Variants in SCAMP1 observed in about 807,000 individuals in gnomAD.
SCAMP1 encodes secretory carrier-associated membrane protein 1.
SCAMP1 carries 15 observed loss-of-function variants against 41.8 expected under a neutral mutation model. That is an observed-to-expected ratio of 0.36 (90% CI 0.24 to 0.55). The LOEUF is 0.55. Ranked by LOEUF, SCAMP1 falls within the 20% of genes least tolerant of loss-of-function variation. The pLI, the probability that SCAMP1 is intolerant of heterozygous loss-of-function variation, is 0.86. For synonymous variants in SCAMP1, 135 were observed against 136.8 expected, an observed-to-expected ratio of 0.99 and a Z score of 0.09; for missense variants, 341 against 412.6, an observed-to-expected ratio of 0.83 and a Z score of 1.50.
At chr5:78,414,018 C>G (rs1752147723) in intron 2 of SCAMP1, among the ~76,000 whole-genome samples, 1 of 150,912 alleles carries the variant, frequency 6.6e-6, no homozygotes. Flanking sequence ...ATGTTCCCAT[C>G]CTTGTTTTTT....
rs1752210649 is a variant in SCAMP1 at position 78,416,490 on chromosome 5, A to G, written c.235-51A>G. 5 of 1,348,574 alleles carry G rather than the reference A, an allele frequency of 3.7e-6. No individual in the cohort carries two copies. In the South Asian group the frequency reaches 6.7e-5, roughly 18 times the overall value. 83.5% of individuals were successfully genotyped at this position (1,348,574 alleles called of 1,614,324 possible). A position where few individuals can be genotyped will look rare whatever the true frequency, so the allele number is the denominator to read the frequency against. On this transcript the variant is annotated intron_variant, in intron 3 of 8. Coordinates refer to ENST00000621999, the MANE Select transcript of SCAMP1 (RefSeq NM_004866.6). ...GTAGGAGTTAGCATATAAATGTTAAAGTATTTTATACTTCTGACAGTCTAT... is the reference window on the plus strand; with the variant it reads ...GTAGGAGTTAGCATATAAATGTTAAGGTATTTTATACTTCTGACAGTCTAT...
At chr5:78,434,542 T>G (rs902188027) in intron 6 of SCAMP1, among the ~76,000 whole-genome samples, 1 of 115,954 alleles carries the variant, frequency 8.6e-6, no homozygotes, top group Non-Finnish European at 1.8e-5. Flanking sequence ...CCTTCCTTCC[T>G]TCTTTCTTCC....
chr5:78,432,318 A>G (rs1469172139), intron 6 of SCAMP1, among the ~76,000 whole-genome samples: 1 of 152,068 alleles, frequency 6.6e-6, no homozygotes, highest in African/African-American at 2.4e-5. Flanking sequence ...GTGGAGATCC[A>G]TGTTTTTGTA....
rs372998936 is a variant in SCAMP1 at position 78,479,886 on chromosome 5, CA to C, written c.*4228del. Among the ~76,000 whole-genome samples the C allele has an allele frequency of 0.039, 5,731 of 148,276 alleles. 198 individuals carry two copies. Among genetic ancestry groups the C allele is most frequent in the African/African-American group, 0.098 (3,959 of 40,600 alleles). On this transcript the variant is annotated 3_prime_UTR_variant, in exon 9 of 9. Coordinates refer to ENST00000621999, the MANE Select transcript of SCAMP1 (RefSeq NM_004866.6). ...TGAAACCCCATCTCTACTAAAAATA[CA>C]AAAAAAAAATTAGCTGAGCATGGTG...
At position 78,469,933 on chromosome 5, in the gene SCAMP1, CAACA is replaced by C. The variant is rs1753843713; in HGVS notation, c.853-5569_853-5566del. ...AAAAACAAAAAAAAAAAAAAAAAAA[CAACA>C]ACACAGCCCAGGCATGGTGGTGTGA... is the stretch of plus-strand genomic sequence containing the variant. On this transcript the variant is annotated intron_variant, in intron 8 of 8. Transcript: ENST00000621999. Among the ~76,000 whole-genome samples the C allele has an allele frequency of 4.1e-4, 8 of 19,532 alleles. No individual in the cohort carries two copies. In the South Asian group the frequency reaches 7.8e-3, roughly 19 times the overall value. The allele number at this position is 19,532 out of a possible 152,430, so 12.8% of individuals were successfully genotyped here.
At chr5:78,413,346 A>G (rs1385522442) in intron 2 of SCAMP1, among the ~76,000 whole-genome samples, 46 of 150,818 alleles carry the variant, frequency 3.1e-4, no homozygotes, top group Admixed American at 2.9e-3. Flanking sequence ...CTGTGGTTCT[A>G]TAATAAGCCT....
At chr5:78,387,906 G>A (rs899293375) in intron 1 of SCAMP1, among the ~76,000 whole-genome samples, 15 of 152,206 alleles carry the variant, frequency 9.9e-5, no homozygotes, top group Non-Finnish European at 1.9e-4. Flanking sequence ...GTTTTGTGTT[G>A]GTTGGCCTCC....
chr5:78,434,909 T>A (rs1752710873), intron 6 of SCAMP1, among the ~76,000 whole-genome samples: 2 of 152,204 alleles, frequency 1.3e-5, no homozygotes, highest in Non-Finnish European at 2.9e-5. Context: ...ATGAATCATT[T>A]CTGGATTCTG....
chr5:78,468,536 A>G (rs1250040527), intron 8 of SCAMP1, among the ~76,000 whole-genome samples: 1 of 152,166 alleles, frequency 6.6e-6, no homozygotes, highest in African/African-American at 2.4e-5. Context: ...AATAGATGAT[A>G]TATCATTTGT....
intron 6 of SCAMP1, among the ~76,000 whole-genome samples, chr5:78,437,199 G>T (rs938233308): frequency 2.6e-5 from 4 of 151,938 alleles, no homozygotes; most frequent in Non-Finnish European, 5.9e-5. Flanking sequence ...TTGAATACCC[G>T]TTATTTCTTT....
At chr5:78,369,200 A>G (rs1750879424) in intron 1 of SCAMP1, among the ~76,000 whole-genome samples, 1 of 151,524 alleles carries the variant, frequency 6.6e-6, no homozygotes, top group Non-Finnish European at 1.5e-5. Context: ...TCCACCACGC[A>G]GGTTCAAGCG....
chr5:78,466,046 A>G (rs1364627371), intron 8 of SCAMP1, among the ~76,000 whole-genome samples: 3 of 152,376 alleles, frequency 2.0e-5, no homozygotes, highest in Middle Eastern at 3.4e-3. Context: ...ATTAACATGT[A>G]ACACTGACCA....
intron 6 of SCAMP1, among the ~76,000 whole-genome samples, chr5:78,447,395 A>C (rs1580702454): frequency 6.6e-6 from 1 of 152,316 alleles, no homozygotes; most frequent in East Asian, 1.9e-4. Context: ...TAATATTGAC[A>C]AAAAGGTAGA....
At chr5:78,384,988 CCT>C (rs1751307310) in intron 1 of SCAMP1, among the ~76,000 whole-genome samples, 1 of 151,876 alleles carries the variant, frequency 6.6e-6, no homozygotes, top group African/African-American at 2.4e-5. Flanking sequence ...GGGGGGATTC[CCT>C]CTCTGTTTTT....
chr5:78,458,769 A>G (rs1451950714), intron 7 of SCAMP1, among the ~76,000 whole-genome samples: 1 of 152,100 alleles, frequency 6.6e-6, no homozygotes, highest in Non-Finnish European at 1.5e-5. Context: ...AATCCCAGCT[A>G]CTCAGGAGGC....
chr5:78,425,224 C>G (rs751871018), intron 6 of SCAMP1, among the ~76,000 whole-genome samples: 2 of 152,102 alleles, frequency 1.3e-5, no homozygotes, highest in African/African-American at 4.8e-5. Flanking sequence ...CTTTCTCCCA[C>G]TTTTTAATTA....
At chr5:78,366,881 G>A (rs1218736144) in intron 1 of SCAMP1, among the ~76,000 whole-genome samples, 1 of 147,690 alleles carries the variant, frequency 6.8e-6, no homozygotes, top group Non-Finnish European at 1.5e-5. Context: ...AGCTACTTGG[G>A]AGGCTGAGGC....
chr5:78,369,553 C>T (rs536504991), intron 1 of SCAMP1, among the ~76,000 whole-genome samples: 55 of 152,260 alleles, frequency 3.6e-4, no homozygotes, highest in African/African-American at 1.3e-3. Flanking sequence ...TGCAATATTG[C>T]GAATACTACC....
chr5:78,474,060 T>TA (rs113424312), intron 8 of SCAMP1, among the ~76,000 whole-genome samples: 2,177 of 141,994 alleles, frequency 0.015, 47 homozygotes, highest in African/African-American at 0.049. Context: ...GGAGTCTCTT[T>TA]AAAAAAAAAA....
Sources: gnomAD v4.1 joint callset for allele counts (sites outside exome capture counted in the v4.1 genomes callset) on GRCh38, gnomAD v4.1.1 for gene constraint, MANE v1.5 for transcripts, NCBI Gene and HGNC (gene_info 2026-07-23, HGNC 2026-07-21) for gene names.